The following GALNTL6 variants were observed in gnomAD, a reference collection of about 807,000 sequenced individuals.
GALNTL6 encodes the protein polypeptide N-acetylgalactosaminyltransferase like 6, also known as polypeptide N-acetylgalactosaminyltransferase-like 6.
GALNTL6 carries 46 observed loss-of-function variants against 73.7 expected under a neutral mutation model. The ratio of observed to expected loss-of-function variants is 0.62; its 90% CI spans 0.49 to 0.80. The LOEUF (loss-of-function observed/expected upper bound fraction) is 0.80, where lower values mean the gene tolerates loss of function less well. GALNTL6 is among the 30% of genes least tolerant of loss of function. The probability of loss-of-function intolerance (pLI) is 0.00; values close to 1 mark genes in which losing one functional copy is unlikely to be tolerated. For missense variants in GALNTL6, 604 were observed against 755.0 expected, an observed-to-expected ratio of 0.80 and a Z score of 2.34; for synonymous variants, 259 against 263.7, an observed-to-expected ratio of 0.98 and a Z score of 0.17.
Position 171,955,376 on chromosome 4 carries a change from ATC to A in GALNTL6, c.138+140660_138+140661del, listed in dbSNP as rs1195911605. On this transcript the variant is annotated intron_variant, in intron 2 of 12. Coordinates refer to ENST00000506823, the MANE Select transcript of GALNTL6 (RefSeq NM_001034845.3). ...TAATACGAATGAAATATATCTATCT[ATC>A]TATCTATATATATATATGTTTACAC... Among the ~76,000 whole-genome samples, 67 of 18,968 alleles carry A rather than the reference ATC, an allele frequency of 3.5e-3. No homozygotes were observed. In the Admixed American group the frequency reaches 0.043, roughly 12 times the overall value. The allele number at this position is 18,968 out of a possible 152,430, so 12.4% of individuals were successfully genotyped here.
intron 3 of GALNTL6, among the ~76,000 whole-genome samples, chr4:172,240,383 C>T (rs559980709): frequency 3.2e-4 from 49 of 150,892 alleles, no homozygotes; most frequent in African/African-American, 1.2e-3. Flanking sequence ...ACCATCATGC[C>T]CGGCTAATTT....
At chr4:172,899,292 G>GTAGGCT (rs1362512847) in intron 8 of GALNTL6, among the ~76,000 whole-genome samples, 1 of 152,176 alleles carries the variant, frequency 6.6e-6, no homozygotes, top group Non-Finnish European at 1.5e-5. Flanking sequence ...AAGCATAATT[G>GTAGGCT]TAGGCTTCAG....
chr4:172,877,155 T>A (rs1745234699), intron 7 of GALNTL6, among the ~76,000 whole-genome samples: 2 of 152,352 alleles, frequency 1.3e-5, no homozygotes, highest in East Asian at 1.9e-4. Context: ...GTAAATTTTT[T>A]AATAAAATTC....
intron 2 of GALNTL6, among the ~76,000 whole-genome samples, chr4:171,939,301 T>A (rs983152930): frequency 6.6e-6 from 1 of 152,012 alleles, no homozygotes; most frequent in Admixed American, 6.6e-5. Context: ...TTTTTTTTGA[T>A]AAGCCATCAA....
chr4:172,649,022 A>C (rs1222834228), intron 5 of GALNTL6, among the ~76,000 whole-genome samples: 2 of 152,142 alleles, frequency 1.3e-5, no homozygotes, highest in Non-Finnish European at 2.9e-5. Context: ...ATAGTTAACA[A>C]TTTTATTAGA....
intron 5 of GALNTL6, among the ~76,000 whole-genome samples, chr4:172,556,734 A>G (rs1352614961): frequency 6.6e-6 from 1 of 151,056 alleles, no homozygotes; most frequent in East Asian, 1.9e-4. Context: ...AATGCCTGCT[A>G]GACCCACACC....
intron 5 of GALNTL6, among the ~76,000 whole-genome samples, chr4:172,555,999 T>A (rs2110913345): frequency 6.6e-6 from 1 of 152,202 alleles, no homozygotes; most frequent in Non-Finnish European, 1.5e-5. Context: ...GATTGCTTTG[T>A]TTTTGTGTAT....
intron 7 of GALNTL6, among the ~76,000 whole-genome samples, chr4:172,855,746 G>GT (rs1481222115): frequency 6.6e-6 from 1 of 152,206 alleles, no homozygotes; most frequent in African/African-American, 2.4e-5. Flanking sequence ...TCCTCAGCAT[G>GT]TAACATTTCG....
chr4:172,547,862 A>G (rs1247963839), intron 5 of GALNTL6, among the ~76,000 whole-genome samples: 1 of 152,170 alleles, frequency 6.6e-6, no homozygotes, highest in African/African-American at 2.4e-5. Context: ...CCTTCCCAGA[A>G]GCTAATCTGT....
intron 5 of GALNTL6, among the ~76,000 whole-genome samples, chr4:172,808,067 C>T (rs1410078479): frequency 1.3e-5 from 2 of 152,182 alleles, no homozygotes; most frequent in African/African-American, 4.8e-5. Flanking sequence ...AGGTGATCCA[C>T]CCACCTCTGC....
At position 172,292,330 on chromosome 4, in the gene GALNTL6, G is replaced by T. The variant is rs114595691; in HGVS notation, c.248-19284G>T. On this transcript the variant is annotated intron_variant, in intron 3 of 12. Transcript: ENST00000506823. ...AGTCTGTTCTTTAAGCAGAAAAAAAGAAAATTATTGAAGGCAAATTTAGTG... is the reference window on the plus strand; with the variant it reads ...AGTCTGTTCTTTAAGCAGAAAAAAATAAAATTATTGAAGGCAAATTTAGTG... 7.6e-3 allele frequency among the ~76,000 whole-genome samples: 1,147 copies of T among 151,862 alleles called. 10 individuals carry two copies. The highest frequency in any genetic ancestry group is 0.026 in the African/African-American group (1,082 of 41,466).
At chr4:172,313,624 A>G (rs1740441428) in intron 4 of GALNTL6, among the ~76,000 whole-genome samples, 1 of 152,188 alleles carries the variant, frequency 6.6e-6, no homozygotes, top group South Asian at 2.1e-4. Flanking sequence ...GATGTAAAAA[A>G]AATTCTGAAA....
At chr4:172,503,526 G>GTATATATGTATATATA (rs1554031097) in intron 5 of GALNTL6, among the ~76,000 whole-genome samples, 5 of 85,934 alleles carry the variant, frequency 5.8e-5, no homozygotes, top group Admixed American at 2.5e-4. Context: ...ACATAGAGTA[G>GTATATATGTATATATA]TATATATATA....
intron 3 of GALNTL6, among the ~76,000 whole-genome samples, chr4:172,257,371 G>T (rs1250903448): frequency 6.6e-6 from 1 of 151,334 alleles, no homozygotes; most frequent in East Asian, 1.9e-4. Flanking sequence ...CTTTATTTTA[G>T]TGAATATCTC....
At chr4:172,206,150 TC>T (rs1736103472) in intron 2 of GALNTL6, among the ~76,000 whole-genome samples, 1 of 152,058 alleles carries the variant, frequency 6.6e-6, no homozygotes, top group African/African-American at 2.4e-5. Context: ...CATTTAAACA[TC>T]CTCCGCTCTT....
chr4:172,298,080 GTTGGA>G (rs1739753266), intron 3 of GALNTL6, among the ~76,000 whole-genome samples: 1 of 152,156 alleles, frequency 6.6e-6, no homozygotes, highest in African/African-American at 2.4e-5. Flanking sequence ...TCCCTTGTAA[GTTGGA>G]TTCCTAGGTA....
intron 2 of GALNTL6, among the ~76,000 whole-genome samples, chr4:172,201,859 C>T (rs1735969181): frequency 6.6e-6 from 1 of 152,156 alleles, no homozygotes; most frequent in Admixed American, 6.5e-5. Context: ...CACTCTCCTG[C>T]AGAAACAGAG....
intron 2 of GALNTL6, among the ~76,000 whole-genome samples, chr4:171,875,358 T>A (rs1386390117): frequency 6.6e-6 from 1 of 152,178 alleles, no homozygotes; most frequent in Non-Finnish European, 1.5e-5. Context: ...GACTATTTCT[T>A]TAAGTTCCCA....
intron 5 of GALNTL6, chr4:172,666,829 CACTAGTCT>C (rs1279740115): frequency 2.0e-5 from 3 of 152,132 alleles, no homozygotes; most frequent in Non-Finnish European, 4.4e-5. Context: ...GTTTGAGAAG[CACTAGTCT>C]ACGCTGTATT....
Sources: allele counts gnomAD v4.1 joint callset (sites outside exome capture counted in the v4.1 genomes callset), GRCh38; gene constraint gnomAD v4.1.1; transcripts MANE v1.5; gene names NCBI Gene and HGNC (gene_info 2026-07-23, HGNC 2026-07-21).